Variants in EDA observed in about 807,000 individuals in gnomAD.
EDA encodes the protein ectodysplasin A, also known as ectodysplasin-A.
A neutral mutation model predicts 23.6 loss-of-function variants in EDA; 2 were observed. The ratio of observed to expected loss-of-function variants is 0.08; its 90% CI spans 0.03 to 0.27. EDA has a LOEUF of 0.27. EDA is among the 10% of genes least tolerant of loss of function. The pLI, the probability that EDA is intolerant of heterozygous loss-of-function variation, is 1.00. For synonymous variants in EDA, 131 were observed against 132.0 expected, an observed-to-expected ratio of 0.99 and a Z score of 0.05; for missense variants, 229 against 324.2, an observed-to-expected ratio of 0.71 and a Z score of 2.26.
At chrX:69,879,932 A>T (rs1411770310) in intron 1 of EDA, among the ~76,000 whole-genome samples, 2 of 112,486 alleles carry the variant, frequency 1.8e-5, no homozygotes, top group Admixed American at 1.9e-4. Context: ...TTTCTTGGCA[A>T]GCAAATTCTG....
intron 1 of EDA, among the ~76,000 whole-genome samples, chrX:69,714,887 A>G (rs150438596): frequency 1.5e-3 from 166 of 109,664 alleles, no homozygotes; most frequent in African/African-American, 5.3e-3. Context: ...GTGCCTTTCC[A>G]TATAACTTAA....
At chrX:69,683,970 T>C (rs902127494) in intron 1 of EDA, among the ~76,000 whole-genome samples, 4 of 111,953 alleles carry the variant, frequency 3.6e-5, no homozygotes, top group African/African-American at 1.3e-4. Context: ...CCTGCATATA[T>C]GATCCTAAAG....
rs771170468 is a variant in EDA at position 70,016,384 on chromosome X, A to C, written c.503-6834A>C. Among the ~76,000 whole-genome samples the C allele has an allele frequency of 1.0e-4, 11 of 108,641 alleles. No individual in the cohort carries two copies. The South Asian group carries it at 3.2e-3, about 32-fold the overall frequency. 94.3% of individuals were successfully genotyped at this position (108,641 alleles called of 115,157 possible). A position where few individuals can be genotyped will look rare whatever the true frequency, so the allele number is the denominator to read the frequency against. On this transcript the variant is annotated intron_variant, in intron 2 of 7. Coordinates refer to ENST00000374552, the MANE Select transcript of EDA (RefSeq NM_001399.5). ...CTTGATACTTGACCAAATGAGCCTAACAGACATCTACAGAACTCTCTACCA... is the reference window on the plus strand; with the variant it reads ...CTTGATACTTGACCAAATGAGCCTACCAGACATCTACAGAACTCTCTACCA...
At chrX:69,864,209 T>G in intron 1 of EDA, among the ~76,000 whole-genome samples, 1 of 111,708 alleles carries the variant, frequency 9.0e-6, no homozygotes, top group East Asian at 2.8e-4. Flanking sequence ...TTCACTCCCC[T>G]GCTAACTCCA....
Position 70,035,889 on chromosome X carries a change from C to T in EDA, c.*280C>T. On this transcript the variant is annotated 3_prime_UTR_variant, in exon 8 of 8. Transcript: ENST00000374552. ...ACTGACTTATGGCATGACTCTTCAA[C>T]CCCGAGGTCCCTGTTGTCAGATCTA... 2.6e-6 allele frequency: 1 copy of T among 386,371 alleles called. No homozygotes were observed. The highest frequency in any genetic ancestry group is 4.3e-5 in the East Asian group (1 of 23,478). 31.8% of individuals were successfully genotyped at this position (386,371 alleles called of 1,213,427 possible).
rs897643869 is a variant in EDA, at chrX:70,035,839, C to T, written c.*230C>T. 71 of 433,418 alleles carry T rather than the reference C, an allele frequency of 1.6e-4. No individual in the cohort carries two copies. The highest frequency in any genetic ancestry group is 1.6e-3 in the African/African-American group (64 of 39,987). 35.7% of individuals were successfully genotyped at this position (433,418 alleles called of 1,213,427 possible). On this transcript the variant is annotated 3_prime_UTR_variant, in exon 8 of 8. Coordinates refer to ENST00000374552, the MANE Select transcript of EDA (RefSeq NM_001399.5). ...ATGGAGCCCCAGGGTTTACATGAAG[C>T]AGAACCTTCTTTGGTTCCATGTTGA...
At chrX:69,935,611 G>A (rs1425657070) in intron 1 of EDA, among the ~76,000 whole-genome samples, 2 of 111,532 alleles carry the variant, frequency 1.8e-5, no homozygotes, top group Non-Finnish European at 3.8e-5. Context: ...GAATGTACAA[G>A]GGAGACAAAC....
rs769287769 is a variant in EDA, at chrX:69,773,389, A to G, written c.396+156685A>G. ...TATGAGCATTGGTGTACAAGTGTCTATTTGTGTCGCTGCTTTCAATTCTTT... is the reference window on the plus strand; with the variant it reads ...TATGAGCATTGGTGTACAAGTGTCTGTTTGTGTCGCTGCTTTCAATTCTTT... On this transcript the variant is annotated intron_variant, in intron 1 of 7. Transcript: ENST00000374552. Among the ~76,000 whole-genome samples, 17 of 111,924 alleles carry G rather than the reference A, an allele frequency of 1.5e-4. No homozygotes were observed. In the South Asian group the frequency reaches 6.3e-3, roughly 42 times the overall value.
At chrX:69,751,493 G>T (rs1214481062) in intron 1 of EDA, among the ~76,000 whole-genome samples, 1 of 112,030 alleles carries the variant, frequency 8.9e-6, no homozygotes, top group Non-Finnish European at 1.9e-5. Flanking sequence ...GCTTAGGATT[G>T]TCTTGGCAAT....
intron 1 of EDA, among the ~76,000 whole-genome samples, chrX:69,880,695 T>C (rs2017731734): frequency 8.9e-6 from 1 of 112,321 alleles, no homozygotes; most frequent in Non-Finnish European, 1.9e-5. Flanking sequence ...CAGAAATAGC[T>C]ATATTAGCAT....
chrX:69,751,482 T>G (rs1466228612), intron 1 of EDA, among the ~76,000 whole-genome samples: 1 of 112,201 alleles, frequency 8.9e-6, no homozygotes, highest in Admixed American at 9.4e-5. Flanking sequence ...TTGTTCTTTT[T>G]GCTTAGGATT....
At chrX:69,676,983 C>T (rs1458608645) in intron 1 of EDA, among the ~76,000 whole-genome samples, 2 of 75,076 alleles carry the variant, frequency 2.7e-5, no homozygotes, top group African/African-American at 1.0e-4. Flanking sequence ...CCCCCCTCCC[C>T]CCACCCCACA....
rs1288955375 is a variant in EDA at position 69,888,993 on chromosome X, T to G, written c.397-68034T>G. Among the ~76,000 whole-genome samples the G allele has an allele frequency of 5.3e-4, 32 of 60,796 alleles. 1 individual carries two copies. The highest frequency in any genetic ancestry group is 4.5e-3 in the East Asian group (6 of 1,336). 52.8% of individuals were successfully genotyped at this position (60,796 alleles called of 115,157 possible). A position where few individuals can be genotyped will look rare whatever the true frequency, so the allele number is the denominator to read the frequency against. On this transcript the variant is annotated intron_variant, in intron 1 of 7. Coordinates refer to ENST00000374552, the MANE Select transcript of EDA (RefSeq NM_001399.5). ...TGTGGGGTAGTTATATATATATATA[T>G]ATATATATATATATATATATATATA...
At chrX:69,827,181 C>T (rs375831678) in intron 1 of EDA, among the ~76,000 whole-genome samples, 1 of 111,063 alleles carries the variant, frequency 9.0e-6, no homozygotes, top group Non-Finnish European at 1.9e-5. Context: ...ATGTGTCTTG[C>T]AGTTGCTCTT....
intron 1 of EDA, among the ~76,000 whole-genome samples, chrX:69,667,042 A>T (rs1197016680): frequency 9.2e-6 from 1 of 108,457 alleles, no homozygotes; most frequent in Non-Finnish European, 1.9e-5. Flanking sequence ...CTAGGAATTT[A>T]TTTATTTCCT....
At position 69,673,621 on chromosome X, in the gene EDA, G is replaced by A; in HGVS notation, c.396+56917G>A. ...AAATCATTTAGAAGCAAAGTTATTG[G>A]TGTGAGGTGAATATATTCTATAGTC... On this transcript the variant is annotated intron_variant, in intron 1 of 7. Transcript: ENST00000374552. 1.8e-5 allele frequency among the ~76,000 whole-genome samples: 2 copies of A among 111,718 alleles called. 1 individual carries two copies. Among genetic ancestry groups the A allele is most frequent in the Non-Finnish European group, 3.8e-5 (2 of 53,091 alleles).
At chrX:69,791,959 A>T (rs2015417567) in intron 1 of EDA, among the ~76,000 whole-genome samples, 4 of 111,219 alleles carry the variant, frequency 3.6e-5, no homozygotes, top group South Asian at 3.7e-4. Flanking sequence ...TATTTTAAAA[A>T]TTTTTCTTTT....
At chrX:69,766,452 G>C (rs1392215541) in intron 1 of EDA, among the ~76,000 whole-genome samples, 1 of 110,819 alleles carries the variant, frequency 9.0e-6, no homozygotes, top group Non-Finnish European at 1.9e-5. Flanking sequence ...CTCTCAAGTA[G>C]GTCCCAGTGT....
chrX:69,824,104 T>C lies in EDA; in HGVS notation c.397-132923T>C, dbSNP rs1405979974. On this transcript the variant is annotated intron_variant, in intron 1 of 7. Transcript: ENST00000374552. The stretch of plus-strand genomic sequence containing the variant: ...CATGCTGTTTTGGTTACTGTAGCCT[T>C]GTAGTATAGTTTGAAGTCAGGTAGT... Among the ~76,000 whole-genome samples the C allele has an allele frequency of 1.2e-4, 13 of 104,154 alleles. No homozygotes were observed. In the East Asian group the frequency reaches 4.0e-3, roughly 32 times the overall value. 90.4% of individuals were successfully genotyped at this position (104,154 alleles called of 115,157 possible). A position where few individuals can be genotyped will look rare whatever the true frequency, so the allele number is the denominator to read the frequency against.
Sources: allele counts gnomAD v4.1 joint callset (sites outside exome capture counted in the v4.1 genomes callset), GRCh38; gene constraint gnomAD v4.1.1; transcripts MANE v1.5; gene names NCBI Gene and HGNC (gene_info 2026-07-23, HGNC 2026-07-21).